Variants in NAT1 observed in about 807,000 individuals in gnomAD.
The protein encoded by NAT1 is N-acetyltransferase 1, also known as arylamine N-acetyltransferase 1.
For synonymous variants in NAT1, 144 were observed against 122.6 expected, an observed-to-expected ratio of 1.17 and a Z score of -1.16; for missense variants, 400 against 339.2, an observed-to-expected ratio of 1.18 and a Z score of -1.41.
At position 18,177,651 on chromosome 8, in the gene NAT1, G is replaced by A. The variant is rs928952557; in HGVS notation, n.92+6912G>A. Reference sequence around the variant, plus strand: ...AAATGCAGTGGGAGGAAAGACATTCGTATCCCACTGTCCTAAAGCCAAACA... The same window carrying A: ...AAATGCAGTGGGAGGAAAGACATTCATATCCCACTGTCCTAAAGCCAAACA... On this transcript the variant is annotated intron_variant and non_coding_transcript_variant, in intron 2 of 4. Transcript: ENST00000517441. 6.6e-5 allele frequency among the ~76,000 whole-genome samples: 10 copies of A among 152,014 alleles called. No individual in the cohort carries two copies. The South Asian group carries it at 1.0e-3, about 16-fold the overall frequency.
chr8:18,179,465 C>G (rs780619904), intron 2 of NAT1, among the ~76,000 whole-genome samples: 1 of 152,136 alleles, frequency 6.6e-6, no homozygotes, highest in Non-Finnish European at 1.5e-5. Flanking sequence ...TGGCATGCAT[C>G]ACCTTCACTT....
At position 18,222,819 on chromosome 8, in the gene NAT1, C is replaced by G. The variant is rs762908192; in HGVS notation, c.772C>G (p.Leu258Val). ...TACAGATCTAATAGAGTTCAAGACT[C>G]TGAGTGAGGAAGAAATAGAAAAAGT... ...DNTDLIEFKT[L>V]SEEEIEKVLK... The change falls in exon 3 of 3, where the codon CTG (leucine) becomes GTG (valine). Residue 258 changes from leucine (L) to valine (V), a missense_variant. Transcript: ENST00000307719. 2 of 1,607,556 alleles carry G rather than the reference C, an allele frequency of 1.2e-6. No individual in the cohort carries two copies. The highest frequency in any genetic ancestry group is 2.2e-5 in the East Asian group (1 of 44,790).
At chr8:18,213,768 T>G (rs1461712800) in intron 1 of NAT1, among the ~76,000 whole-genome samples, 1 of 152,110 alleles carries the variant, frequency 6.6e-6, no homozygotes. Context: ...TGGACTCTCC[T>G]AGACTCTGGT....
chr8:18,221,039 A>T (rs1473895758), intron 2 of NAT1, among the ~76,000 whole-genome samples: 1 of 152,108 alleles, frequency 6.6e-6, no homozygotes, highest in Non-Finnish European at 1.5e-5. Flanking sequence ...TCTCATTTAC[A>T]TTTCTCATTT....
intron 2 of NAT1, among the ~76,000 whole-genome samples, chr8:18,189,226 TA>T (rs1802879488): frequency 6.6e-6 from 1 of 152,152 alleles, no homozygotes; most frequent in Non-Finnish European, 1.5e-5. Context: ...ACACATGTTT[TA>T]TGGCAGCAAT....
At chr8:18,194,631 C>T (rs563079349) in intron 2 of NAT1, among the ~76,000 whole-genome samples, 46 of 151,832 alleles carry the variant, frequency 3.0e-4, no homozygotes, top group African/African-American at 1.0e-3. Flanking sequence ...ACCAGCCTGG[C>T]CAACATGGTA....
intron 2 of NAT1, among the ~76,000 whole-genome samples, chr8:18,186,010 C>T (rs1026439949): frequency 2.0e-5 from 3 of 152,122 alleles, no homozygotes; most frequent in South Asian, 2.1e-4. Context: ...TCAAAGCACA[C>T]AGTACGTATG....
At chr8:18,176,771 A>T (rs911682197) in intron 2 of NAT1, among the ~76,000 whole-genome samples, 1 of 151,956 alleles carries the variant, frequency 6.6e-6, no homozygotes, top group Non-Finnish European at 1.5e-5. Context: ...TGAAATTTTA[A>T]AAGGAGTTGT....
chr8:18,199,273 C>G (rs1218112260), intron 2 of NAT1, among the ~76,000 whole-genome samples: 1 of 147,082 alleles, frequency 6.8e-6, no homozygotes, highest in Non-Finnish European at 1.5e-5. Flanking sequence ...GAGACTGCAA[C>G]ACTGCACTCC....
Position 18,223,681 on chromosome 8 carries a change from G to GC in NAT1, c.*768dup, listed in dbSNP as rs1331307107. ...TAAAAGTTATTGTTCCATCTTGCTTGCCCCCCCACCCCTGTCATCTGCCTG... is the reference window on the plus strand; with the variant it reads ...TAAAAGTTATTGTTCCATCTTGCTTGCCCCCCCCACCCCTGTCATCTGCCTG... On this transcript the variant is annotated 3_prime_UTR_variant, in exon 3 of 3. Coordinates refer to ENST00000307719, the MANE Select transcript of NAT1 (RefSeq NM_000662.8). 2.1e-4 allele frequency: 33 copies of GC among 159,262 alleles called. No homozygotes were observed. The highest frequency in any genetic ancestry group is 7.2e-4 in the African/African-American group (29 of 40,262). 9.9% of individuals were successfully genotyped at this position (159,262 alleles called of 1,614,324 possible).
At chr8:18,181,743 A>T (rs1357487943) in intron 2 of NAT1, among the ~76,000 whole-genome samples, 1 of 152,016 alleles carries the variant, frequency 6.6e-6, no homozygotes, top group Admixed American at 6.6e-5. Flanking sequence ...GTTGTGAGAT[A>T]TTTTCCTTCC....
chr8:18,197,692 G>A lies in NAT1; in HGVS notation n.93-12089G>A, dbSNP rs142347127. Among the ~76,000 whole-genome samples the A allele has an allele frequency of 2.6e-3, 392 of 152,218 alleles. 1 individual carries two copies. Among genetic ancestry groups the A allele is most frequent in the African/African-American group, 8.7e-3 (363 of 41,512 alleles). On this transcript the variant is annotated intron_variant and non_coding_transcript_variant, in intron 2 of 4. Coordinates refer to the NAT1 transcript ENST00000517441. Reference sequence around the variant, plus strand: ...CATCCTTTCTCTCATTGTTCTTGCTGTCAGAACCTCATTTTATTCAGGGAA... The same window carrying A: ...CATCCTTTCTCTCATTGTTCTTGCTATCAGAACCTCATTTTATTCAGGGAA...
rs1171206598 is a variant in NAT1, at chr8:18,194,614, G to A, written n.93-15167G>A. Among the ~76,000 whole-genome samples the A allele has an allele frequency of 2.6e-5, 4 of 152,212 alleles. No individual in the cohort carries two copies. The East Asian group carries it at 7.8e-4, about 30-fold the overall frequency. ...GGCAGGTGATCACTTGAGGTCAGGG[G>A]TTTGAGACCAGCCTGGCCAACATGG... On this transcript the variant is annotated intron_variant and non_coding_transcript_variant, in intron 2 of 4. Coordinates refer to the NAT1 transcript ENST00000517441.
intron 2 of NAT1, among the ~76,000 whole-genome samples, chr8:18,174,429 A>C (rs933834212): frequency 6.6e-6 from 1 of 152,118 alleles, no homozygotes; most frequent in African/African-American, 2.4e-5. Context: ...CTGTAAAGTA[A>C]AGTTCCTACT....
chr8:18,192,853 G>C (rs1343315612), intron 2 of NAT1, among the ~76,000 whole-genome samples: 1 of 151,430 alleles, frequency 6.6e-6, no homozygotes, highest in African/African-American at 2.4e-5. Flanking sequence ...GGTGGGGGAA[G>C]GGGGGAGGGA....
chr8:18,220,561 A>T (rs915878794), intron 2 of NAT1, among the ~76,000 whole-genome samples: 2 of 151,234 alleles, frequency 1.3e-5, no homozygotes, highest in Non-Finnish European at 3.0e-5. Flanking sequence ...AGGGGCATTT[A>T]TTTTTTTTTG....
intron 2 of NAT1, among the ~76,000 whole-genome samples, chr8:18,173,330 A>T (rs1563158269): frequency 1.3e-5 from 2 of 152,172 alleles, no homozygotes; most frequent in Non-Finnish European, 2.9e-5. Flanking sequence ...TAGCATTTTC[A>T]TTCTTGCCAT....
intron 2 of NAT1, among the ~76,000 whole-genome samples, chr8:18,202,812 C>T (rs984510240): frequency 6.6e-6 from 1 of 152,108 alleles, no homozygotes; most frequent in Non-Finnish European, 1.5e-5. Flanking sequence ...AAGAACAAAG[C>T]TTCCACAGCG....
chr8:18,183,948 A>C (rs1489165564), intron 2 of NAT1, among the ~76,000 whole-genome samples: 1 of 152,132 alleles, frequency 6.6e-6, no homozygotes, highest in Non-Finnish European at 1.5e-5. Context: ...TTCAGCCCAC[A>C]CAGCATCTCT....
Sources: gnomAD v4.1 joint callset for allele counts (sites outside exome capture counted in the v4.1 genomes callset) on GRCh38, gnomAD v4.1.1 for gene constraint, MANE v1.5 for transcripts, NCBI Gene and HGNC (gene_info 2026-07-23, HGNC 2026-07-21) for gene names.